The following KIF16B variants were observed in gnomAD, a reference collection of about 807,000 sequenced individuals.
KIF16B encodes the protein kinesin-like protein KIF16B.
KIF16B carries 98 observed loss-of-function variants against 156.3 expected under a neutral mutation model. The ratio of observed to expected loss-of-function variants is 0.63; its 90% confidence interval spans 0.53 to 0.74. The LOEUF (loss-of-function observed/expected upper bound fraction) is 0.74. KIF16B is among the 30% of genes least tolerant of loss of function. KIF16B has a pLI of 0.00. For missense variants in KIF16B, 1,421 were observed against 1,606.5 expected, an observed-to-expected ratio of 0.88 and a Z score of 1.97; for synonymous variants, 564 against 583.7, an observed-to-expected ratio of 0.97 and a Z score of 0.49.
At chr20:16,326,859 A>C (rs2063859775) in intron 24 of KIF16B, among the ~76,000 whole-genome samples, 1 of 151,938 alleles carries the variant, frequency 6.6e-6, no homozygotes, top group Non-Finnish European at 1.5e-5. Context: ...TTATATGAAA[A>C]AGACACTTGC....
intron 23 of KIF16B, among the ~76,000 whole-genome samples, chr20:16,340,157 C>A (rs1327576756): frequency 6.6e-6 from 1 of 152,142 alleles, no homozygotes; most frequent in East Asian, 1.9e-4. Context: ...CAAGTATGGC[C>A]TTAGAGACTT....
At position 16,379,430 on chromosome 20, in the gene KIF16B, G is replaced by T; in HGVS notation, c.2572C>A (p.Gln858Lys). Reference protein sequence around the residue: ...DILKKEVQEEQEILECLKCEH... With the variant: ...DILKKEVQEEKEILECLKCEH... ...CATTTTAAACACTCTAGGATCTCCT[G>T]TTCTTCTTGGACTTCTTTTTTCAGG... The change falls in exon 19 of 26, where the codon CAG becomes AAG. Residue 858 changes from glutamine (Q) to lysine (K), a missense_variant. Coordinates refer to ENST00000354981, the MANE Select transcript of KIF16B (RefSeq NM_024704.5). 6.2e-7 allele frequency: 1 copy of T among 1,613,182 alleles called. No homozygotes were observed. Among genetic ancestry groups the T allele is most frequent in the Non-Finnish European group, 8.5e-7 (1 of 1,179,836 alleles).
intron 1 of KIF16B, among the ~76,000 whole-genome samples, chr20:16,570,182 T>C (rs2071404491): frequency 6.6e-6 from 1 of 152,068 alleles, no homozygotes. Context: ...TCACTTATGA[T>C]TTTTTGTTAT....
At chr20:16,476,212 T>C (rs1396064894) in intron 12 of KIF16B, among the ~76,000 whole-genome samples, 3 of 152,140 alleles carry the variant, frequency 2.0e-5, no homozygotes, top group African/African-American at 4.8e-5. Context: ...CCCATTACTA[T>C]TGTATTTAAA....
intron 15 of KIF16B, among the ~76,000 whole-genome samples, chr20:16,409,485 T>A (rs1316394739): frequency 6.6e-6 from 1 of 151,966 alleles, no homozygotes; most frequent in Non-Finnish European, 1.5e-5. Context: ...ATAACATGAT[T>A]AGATTTCAGT....
chr20:16,375,892 C>T (rs774253488), intron 19 of KIF16B, among the ~76,000 whole-genome samples: 4 of 152,102 alleles, frequency 2.6e-5, no homozygotes, highest in South Asian at 2.1e-4. Context: ...CTGGCCTTCC[C>T]GTGTGGCAGA....
chr20:16,387,387 G>GA (rs2065254236), intron 17 of KIF16B, among the ~76,000 whole-genome samples: 1 of 152,140 alleles, frequency 6.6e-6, no homozygotes, highest in Non-Finnish European at 1.5e-5. Flanking sequence ...AATGGTTCTA[G>GA]AATCAATGAG....
chr20:16,341,964 T>C (rs34271129), intron 23 of KIF16B, among the ~76,000 whole-genome samples: 3,727 of 152,294 alleles, frequency 0.024, 71 homozygotes, highest in Non-Finnish European at 0.033. Flanking sequence ...AGTATATTCG[T>C]AGGTCTTCTG....
chr20:16,409,159 A>G (rs2065859335), intron 15 of KIF16B, among the ~76,000 whole-genome samples: 1 of 152,146 alleles, frequency 6.6e-6, no homozygotes, highest in Non-Finnish European at 1.5e-5. Context: ...TTATAGGGGA[A>G]ACTAGAGAAG....
At chr20:16,492,904 C>CAAAT (rs973062426) in intron 12 of KIF16B, among the ~76,000 whole-genome samples, 3 of 152,068 alleles carry the variant, frequency 2.0e-5, no homozygotes, top group Middle Eastern at 3.2e-3. Flanking sequence ...CATGAAAAGT[C>CAAAT]AAATGACTTG....
chr20:16,485,177 C>T (rs1233469386), intron 12 of KIF16B, among the ~76,000 whole-genome samples: 1 of 152,162 alleles, frequency 6.6e-6, no homozygotes, highest in Admixed American at 6.5e-5. Flanking sequence ...ACCAAATCAT[C>T]CCCAGCTGAC....
intron 22 of KIF16B, among the ~76,000 whole-genome samples, chr20:16,359,034 A>G (rs989742468): frequency 6.6e-6 from 1 of 152,148 alleles, no homozygotes; most frequent in Non-Finnish European, 1.5e-5. Context: ...CAAACTTTTG[A>G]TGTTTCTACT....
At chr20:16,417,131 G>T (rs1665669950) in intron 15 of KIF16B, among the ~76,000 whole-genome samples, 1 of 152,162 alleles carries the variant, frequency 6.6e-6, no homozygotes, top group Admixed American at 6.5e-5. Flanking sequence ...ACCCGAGGGA[G>T]GCAGAAAGTG....
At chr20:16,487,540 C>A (rs549836180) in intron 12 of KIF16B, among the ~76,000 whole-genome samples, 1 of 152,210 alleles carries the variant, frequency 6.6e-6, no homozygotes, top group African/African-American at 2.4e-5. Flanking sequence ...TTATAGGTTG[C>A]CATAATGTTC....
At position 16,541,394 on chromosome 20, in the gene KIF16B, G is replaced by T. The variant is rs182823385; in HGVS notation, c.48-12954C>A. Among the ~76,000 whole-genome samples the T allele has an allele frequency of 3.9e-5, 6 of 152,348 alleles. No homozygotes were observed. The East Asian group carries it at 1.2e-3, about 29-fold the overall frequency. On this transcript the variant is annotated intron_variant, in intron 1 of 25. Coordinates refer to ENST00000354981, the MANE Select transcript of KIF16B (RefSeq NM_024704.5). Reference sequence around the variant, plus strand: ...TACATCCAAATGCCAACCTCGAGCGGCAGCTTGTGAGAAACTGGCACAGCC... The same window carrying T: ...TACATCCAAATGCCAACCTCGAGCGTCAGCTTGTGAGAAACTGGCACAGCC...
intron 12 of KIF16B, among the ~76,000 whole-genome samples, chr20:16,444,323 T>G (rs962424743): frequency 2.6e-5 from 4 of 152,184 alleles, no homozygotes; most frequent in Non-Finnish European, 5.9e-5. Flanking sequence ...TGTCTGCCTG[T>G]TTTTGTATGG....
At chr20:16,358,707 G>A (rs2064493321) in intron 22 of KIF16B, among the ~76,000 whole-genome samples, 1 of 152,224 alleles carries the variant, frequency 6.6e-6, no homozygotes, top group African/African-American at 2.4e-5. Context: ...GGATTAGAAA[G>A]TTGTGATGGG....
intron 12 of KIF16B, among the ~76,000 whole-genome samples, chr20:16,476,691 G>T (rs1359129545): frequency 5.9e-5 from 9 of 152,180 alleles, no homozygotes; most frequent in Admixed American, 5.2e-4. Context: ...ATGCAGGATA[G>T]CCATATTCCC....
intron 25 of KIF16B, among the ~76,000 whole-genome samples, chr20:16,286,509 T>TGATCCTTCAACAGAAG (rs141595516): frequency 6.6e-6 from 1 of 151,786 alleles, no homozygotes; most frequent in Non-Finnish European, 1.5e-5. Flanking sequence ...CTAGATCCTT[T>TGATCCTTCAACAGAAG]GAACTACAGC....
Sources: gnomAD v4.1 joint callset for allele counts (sites outside exome capture counted in the v4.1 genomes callset) on GRCh38, gnomAD v4.1.1 for gene constraint, MANE v1.5 for transcripts, NCBI Gene and HGNC (gene_info 2026-07-23, HGNC 2026-07-21) for gene names.